VWA3B: variants seen among roughly 807,000 people sequenced by gnomAD.
VWA3B encodes the protein von Willebrand factor A domain-containing protein 3B.
Under a neutral mutation model 158.3 loss-of-function variants are expected in VWA3B, and 138 were observed. That is an observed-to-expected ratio of 0.87 (90% CI 0.76 to 1.00). The LOEUF is 1.00. Ranked by LOEUF, VWA3B falls within the 50% of genes least tolerant of loss-of-function variation. The probability of loss-of-function intolerance (pLI) is 0.00; values close to 1 mark genes in which losing one functional copy is unlikely to be tolerated. For synonymous variants in VWA3B, 596 were observed against 587.3 expected (o/e 1.01, Z -0.21); for missense variants, 1,555 against 1,565.1 (o/e 0.99, Z 0.11).
chr2:98,147,688 G>A (rs1372105927), intron 7 of VWA3B, among the ~76,000 whole-genome samples: 1 of 151,618 alleles, frequency 6.6e-6, no homozygotes, highest in Non-Finnish European at 1.5e-5. Context: ...TTTTTGGGGT[G>A]TATTTTTTTT....
rs1558699703 is a variant in VWA3B at position 98,228,253 on chromosome 2, C to T, written c.2071C>T (p.Leu691=). 1 of 1,614,084 alleles carries T rather than the reference C, an allele frequency of 6.2e-7. No homozygotes were observed. Among genetic ancestry groups the T allele is most frequent in the African/African-American group, 1.3e-5 (1 of 75,040 alleles). ...VKEMEQGHSD[L]EKMQDLYSES... is the part of the protein sequence containing the mutation. The stretch of plus-strand genomic sequence containing the variant: ...GGAAATGGAACAGGGTCACAGTGAT[C>T]TGGAGAAGATGCAAGACCTTTATTC... Residue 691 remains leucine (L), a synonymous_variant, in exon 15 of 28, where the codon CTG becomes TTG. Coordinates refer to ENST00000477737, the MANE Select transcript of VWA3B (RefSeq NM_144992.5).
chr2:98,087,636 G>A (rs1681960597), intron 1 of VWA3B, among the ~76,000 whole-genome samples: 1 of 152,158 alleles, frequency 6.6e-6, no homozygotes, highest in Non-Finnish European at 1.5e-5. Flanking sequence ...CAGCCGCTCT[G>A]GTGGAAAAGC....
chr2:98,315,240 G>A (rs998360159), downstream of VWA3B, among the ~76,000 whole-genome samples: 7 of 152,116 alleles, frequency 4.6e-5, no homozygotes, highest in Non-Finnish European at 8.8e-5. Flanking sequence ...TTTTTTTGCT[G>A]AATAAATCTG....
chr2:98,226,129 A>G (rs1447997086), intron 14 of VWA3B, among the ~76,000 whole-genome samples: 1 of 152,252 alleles, frequency 6.6e-6, no homozygotes, highest in Non-Finnish European at 1.5e-5. Flanking sequence ...TGTTTAAACA[A>G]TCTTGAAAAA....
chr2:98,199,255 T>G (rs2105462011), intron 12 of VWA3B, among the ~76,000 whole-genome samples: 1 of 152,338 alleles, frequency 6.6e-6, no homozygotes, highest in South Asian at 2.1e-4. Flanking sequence ...GTTTACCCAT[T>G]CCTTGTTGAA....
rs1675260707 is a variant in VWA3B, at chr2:98,125,192, T to C, written c.703-3047T>C. 6.6e-6 allele frequency among the ~76,000 whole-genome samples: 1 copy of C among 152,222 alleles called. No homozygotes were observed. The highest frequency in any genetic ancestry group is 2.1e-4 in the South Asian group (1 of 4,830). ...AACTCCTTTAAGCCAAACAATCTCC[T>C]GGTCCCAACTTTTGGTCAGTGATGT... is the stretch of plus-strand genomic sequence containing the variant. On this transcript the variant is annotated intron_variant, in intron 5 of 27. Coordinates refer to ENST00000477737, the MANE Select transcript of VWA3B (RefSeq NM_144992.5). This position sits in a 1 kb window ranked among gnomAD's most constrained non-coding sequence, Gnocchi z 4.1.
rs1370183915 is a variant in VWA3B at position 98,129,222 on chromosome 2, A to AGAGT, written c.872+816_872+819dup. Among the ~76,000 whole-genome samples, 7 of 110,400 alleles carry AGAGT rather than the reference A, an allele frequency of 6.3e-5. No homozygotes were observed. In the South Asian group the frequency reaches 1.4e-3, roughly 22 times the overall value. The allele number at this position is 110,400 out of a possible 152,430, so 72.4% of individuals were successfully genotyped here. On this transcript the variant is annotated intron_variant, in intron 6 of 27. Transcript: ENST00000477737. The stretch of plus-strand genomic sequence containing the variant: ...AGAGAGAGAGGAGAGAGAGAGAGAG[A>AGAGT]GAGTGTGTGTGTGTGTGTGTGTGTG...
intron 14 of VWA3B, among the ~76,000 whole-genome samples, chr2:98,225,486 A>G (rs760497821): frequency 1.2e-4 from 18 of 152,208 alleles, no homozygotes; most frequent in Non-Finnish European, 1.2e-4. Flanking sequence ...CCTACAGCTA[A>G]AGTCATACTT....
rs1482478049 is a variant in VWA3B, at chr2:98,220,902, T to C, written c.2019+2874T>C. Among the ~76,000 whole-genome samples, 3 of 152,024 alleles carry C rather than the reference T, an allele frequency of 2.0e-5. No individual in the cohort carries two copies. The East Asian group carries it at 5.8e-4, about 29-fold the overall frequency. ...ACCACACACCGCATGTTCTCACTTATAAGTGGGAGCCGAACAATGAGAACA... is the reference window on the plus strand; with the variant it reads ...ACCACACACCGCATGTTCTCACTTACAAGTGGGAGCCGAACAATGAGAACA... On this transcript the variant is annotated intron_variant, in intron 14 of 27. Coordinates refer to ENST00000477737, the MANE Select transcript of VWA3B (RefSeq NM_144992.5).
At chr2:98,152,512 T>C (rs1222910729) in intron 7 of VWA3B, among the ~76,000 whole-genome samples, 1 of 152,126 alleles carries the variant, frequency 6.6e-6, no homozygotes, top group Non-Finnish European at 1.5e-5. Flanking sequence ...ATTTAGTGGT[T>C]TGGGGACTCC....
intron 22 of VWA3B, among the ~76,000 whole-genome samples, chr2:98,271,592 G>A (rs1031364434): frequency 6.6e-6 from 1 of 151,998 alleles, no homozygotes; most frequent in African/African-American, 2.4e-5. Flanking sequence ...TATGGGTGAT[G>A]GTTACATAAT....
intron 14 of VWA3B, among the ~76,000 whole-genome samples, chr2:98,226,487 A>G (rs764785836): frequency 1.8e-4 from 27 of 152,258 alleles, no homozygotes; most frequent in Non-Finnish European, 3.2e-4. Context: ...AAATGTGGGA[A>G]AAATTATGGG....
chr2:98,106,285 A>G (rs941528643), intron 2 of VWA3B, among the ~76,000 whole-genome samples: 13 of 152,100 alleles, frequency 8.5e-5, no homozygotes, highest in African/African-American at 4.8e-5. Context: ...TACTGTAACT[A>G]TAGAATTTCT....
chr2:98,215,485 A>C (rs1300917126), intron 13 of VWA3B, among the ~76,000 whole-genome samples: 1 of 151,804 alleles, frequency 6.6e-6, no homozygotes, highest in Non-Finnish European at 1.5e-5. Context: ...GGAGTCAGAA[A>C]TGTGCAAATT....
At chr2:98,298,060 C>G in intron 24 of VWA3B, 29 bp downstream of exon 24, 1 of 1,445,508 alleles carries the variant, frequency 6.9e-7, no homozygotes, top group Non-Finnish European at 9.1e-7. Flanking sequence ...GTTCTGGGGC[C>G]CCTTTTCACC....
At chr2:98,216,733 A>T in intron 13 of VWA3B, 1 of 474,558 alleles carries the variant, frequency 2.1e-6, no homozygotes, top group South Asian at 1.5e-5. Flanking sequence ...TACTCAACAA[A>T]TATTTGTGGA....
At chr2:98,102,902 A>AGG (rs1262940047) in intron 2 of VWA3B, among the ~76,000 whole-genome samples, 11 of 152,246 alleles carry the variant, frequency 7.2e-5, no homozygotes, top group Non-Finnish European at 1.3e-4. Flanking sequence ...TAATAAACAG[A>AGG]GGGCTAATCA....
At chr2:98,272,568 G>A (rs937203880) in intron 22 of VWA3B, among the ~76,000 whole-genome samples, 1 of 152,124 alleles carries the variant, frequency 6.6e-6, no homozygotes, top group Non-Finnish European at 1.5e-5. Context: ...CCTGGAGGTT[G>A]GGGGTTGGCG....
intron 7 of VWA3B, among the ~76,000 whole-genome samples, chr2:98,135,317 A>G (rs1676178397): frequency 6.7e-6 from 1 of 148,890 alleles, no homozygotes; most frequent in Non-Finnish European, 1.5e-5. Context: ...ACATACAAAA[A>G]CATTTTTCTT....
Sources: gnomAD v4.1 joint callset for allele counts (sites outside exome capture counted in the v4.1 genomes callset) on GRCh38, gnomAD v4.1.1 for gene constraint, Gnocchi (gnomAD v3.1) non-coding constraint, MANE v1.5 for transcripts, NCBI Gene and HGNC (gene_info 2026-07-23, HGNC 2026-07-21) for gene names.